The following RHOG variants were observed in gnomAD, a reference collection of about 807,000 sequenced individuals.
RHOG encodes ras homolog family member G, also known as rho-related GTP-binding protein RhoG.
Under a neutral mutation model 12.3 loss-of-function variants are expected in RHOG, and 1 was observed. The observed-to-expected ratio is 0.08, with a 90% CI of 0.03 to 0.39. The LOEUF (loss-of-function observed/expected upper bound fraction) is 0.39, where lower values mean the gene tolerates loss of function less well. Ranked by LOEUF, RHOG falls within the 10% of genes least tolerant of loss-of-function variation. The probability of loss-of-function intolerance (pLI) is 0.99; values close to 1 mark genes in which losing one functional copy is unlikely to be tolerated. For synonymous variants in RHOG, 129 were observed against 116.0 expected, an observed-to-expected ratio of 1.11 and a Z score of -0.72; for missense variants, 114 against 266.2, an observed-to-expected ratio of 0.43 and a Z score of 3.98.
At chr11:3,835,665 C>T (rs1317256063) in intron 1 of RHOG, among the ~76,000 whole-genome samples, 2 of 152,182 alleles carry the variant, frequency 1.3e-5, no homozygotes, top group African/African-American at 4.8e-5. Context: ...ACTGTCTTGT[C>T]TTCAACTGGA....
rs112483411 is a variant in RHOG, at chr11:3,839,602, A to AACACACACACACACACACACAC, written c.-69+1270_-69+1291dup. On this transcript the variant is annotated intron_variant, in intron 1 of 1. Transcript: ENST00000351018. ...ACACGCGCGTGCGAACACACACGCA[A>AACACACACACACACACACACAC]ACACACACACACACACACACACACA... Among the ~76,000 whole-genome samples, 355 of 141,692 alleles carry AACACACACACACACACACACAC rather than the reference A, an allele frequency of 2.5e-3. 1 individual carries two copies. The highest frequency in any genetic ancestry group is 8.7e-3 in the African/African-American group (331 of 38,196). The allele number at this position is 141,692 out of a possible 152,430, so 93.0% of individuals were successfully genotyped here.
intron 1 of RHOG, among the ~76,000 whole-genome samples, chr11:3,832,834 G>A (rs1427285508): frequency 6.6e-6 from 1 of 152,182 alleles, no homozygotes; most frequent in East Asian, 1.9e-4. Flanking sequence ...ACCAAACCAG[G>A]AGTGTGACCT....
intron 1 of RHOG, among the ~76,000 whole-genome samples, chr11:3,834,856 T>C (rs2090148306): frequency 6.6e-6 from 1 of 152,138 alleles, no homozygotes; most frequent in Non-Finnish European, 1.5e-5. Flanking sequence ...TTCTATAACC[T>C]GCCTCCCTAA....
intron 1 of RHOG, among the ~76,000 whole-genome samples, chr11:3,840,354 C>T (rs2135144213): frequency 6.6e-6 from 1 of 152,164 alleles, no homozygotes; most frequent in East Asian, 1.9e-4. Context: ...CCGGGTCCTC[C>T]TGAGTGCAGA....
intron 1 of RHOG, among the ~76,000 whole-genome samples, chr11:3,828,851 A>C (rs933366549): frequency 1.3e-5 from 2 of 151,586 alleles, no homozygotes; most frequent in Non-Finnish European, 2.9e-5. Flanking sequence ...CGATCTCCTG[A>C]CCTCGTGATC....
chr11:3,831,555 T>C (rs1033833781), intron 1 of RHOG, among the ~76,000 whole-genome samples: 1 of 152,072 alleles, frequency 6.6e-6, no homozygotes, highest in Admixed American at 6.6e-5. Flanking sequence ...AGACTGGAAG[T>C]TGAGAGACCT....
intron 1 of RHOG, among the ~76,000 whole-genome samples, chr11:3,837,415 A>G (rs1037468603): frequency 6.6e-6 from 1 of 151,014 alleles, no homozygotes; most frequent in African/African-American, 2.4e-5. Flanking sequence ...GGGCAGTACT[A>G]TCCCTGGACA....
At chr11:3,832,165 AGCCCTCATAT>A (rs2090133344) in intron 1 of RHOG, among the ~76,000 whole-genome samples, 1 of 152,246 alleles carries the variant, frequency 6.6e-6, no homozygotes, top group Admixed American at 6.5e-5. Context: ...TTGATAAAAA[AGCCCTCATAT>A]GGTATAAGCC....
intron 1 of RHOG, among the ~76,000 whole-genome samples, chr11:3,839,994 A>T (rs1457777455): frequency 1.3e-5 from 2 of 152,246 alleles, no homozygotes; most frequent in Non-Finnish European, 2.9e-5. Context: ...GAAGAGAGTG[A>T]TGGCGGATTT....
intron 1 of RHOG, among the ~76,000 whole-genome samples, chr11:3,837,589 T>C (rs1029677619): frequency 6.6e-6 from 1 of 152,132 alleles, no homozygotes; most frequent in African/African-American, 2.4e-5. Flanking sequence ...TCCTTAATGC[T>C]AAAATAGAGC....
chr11:3,827,568 A>T lies in RHOG; in HGVS notation c.571T>A (p.Leu191Met). The change falls in exon 2 of 2, where the codon TTG becomes ATG. Residue 191 changes from leucine (L) to methionine (M), a missense_variant. Physicochemically the swap from Leu to Met is conservative, Grantham distance 15. This residue lies in a region of RHOG where 61 missense variants were observed against 101.4 expected (regional missense o/e 0.60). Coordinates refer to ENST00000351018, the MANE Select transcript of RHOG (RefSeq NM_001665.4). This position sits in a 1 kb window ranked among gnomAD's most constrained non-coding sequence, Gnocchi z 7.3. ...PIKRGRSCIL[L>M] ...CTCCAAGCCAAGTGCCAGGGTCACA[A>T]GAGGATGCAGGACCGCCCACGCTTG... The T allele has an allele frequency of 6.2e-7, 1 of 1,602,624 alleles. No homozygotes were observed.
intron 1 of RHOG, chr11:3,837,817 T>G (rs1565085019): frequency 6.6e-6 from 1 of 152,376 alleles, no homozygotes; most frequent in East Asian, 1.9e-4. Context: ...TGAGCCTTTT[T>G]GCTTCCAAGT....
chr11:3,830,543 T>A (rs2135135221), intron 1 of RHOG: 1 of 151,620 alleles, frequency 6.6e-6, no homozygotes, highest in Middle Eastern at 3.4e-3. Flanking sequence ...TAGTCCCAGC[T>A]ACTCGGGAGG....
intron 1 of RHOG, among the ~76,000 whole-genome samples, chr11:3,833,183 G>A (rs1380146873): frequency 6.6e-6 from 1 of 151,998 alleles, no homozygotes; most frequent in Non-Finnish European, 1.5e-5. Flanking sequence ...GCTCACTGTA[G>A]TCTCAACCTC....
intron 1 of RHOG, among the ~76,000 whole-genome samples, chr11:3,832,173 T>G (rs2090133512): frequency 6.6e-6 from 1 of 152,194 alleles, no homozygotes; most frequent in Admixed American, 6.5e-5. Flanking sequence ...AAAGCCCTCA[T>G]ATGGTATAAG....
At chr11:3,829,650 G>T (rs1422399679) in intron 1 of RHOG, among the ~76,000 whole-genome samples, 1 of 152,164 alleles carries the variant, frequency 6.6e-6, no homozygotes, top group Non-Finnish European at 1.5e-5. Flanking sequence ...TTGGACCTGG[G>T]ATTTGGACTG....
chr11:3,827,159 C>T lies in RHOG; in HGVS notation c.*404G>A, dbSNP rs2090081851. The stretch of plus-strand genomic sequence containing the variant: ...GAAGGGAGAGAGCATCTTGGGGGCG[C>T]AATTCCAAGAGCAGCGAGGGCAGAG... On this transcript the variant is annotated 3_prime_UTR_variant, in exon 2 of 2. Transcript: ENST00000351018. This position sits in a 1 kb window ranked among gnomAD's most constrained non-coding sequence, Gnocchi z 7.3. The T allele has an allele frequency of 4.9e-6, 1 of 204,924 alleles. No homozygotes were observed. Among genetic ancestry groups the T allele is most frequent in the Non-Finnish European group, 1.0e-5 (1 of 99,952 alleles). The allele number at this position is 204,924 out of a possible 1,614,324, so 12.7% of individuals were successfully genotyped here. A position where few individuals can be genotyped will look rare whatever the true frequency, so the allele number is the denominator to read the frequency against.
chr11:3,827,650 A>G lies in RHOG; in HGVS notation c.489T>C (p.Asp163=). The change falls in exon 2 of 2, where the codon GAT becomes GAC. Residue 163 remains aspartate (D), a synonymous_variant. Coordinates refer to ENST00000351018, the MANE Select transcript of RHOG (RefSeq NM_001665.4). This position sits in a 1 kb window ranked among gnomAD's most constrained non-coding sequence, Gnocchi z 7.3. The part of the protein sequence containing the change: ...RYLECSALQQ[D]GVKEVFAEAV... ...CCTCGGCGAACACTTCCTTGACACC[A>G]TCCTGTTGCAGGGCTGAGCATTCGA... The G allele has an allele frequency of 6.2e-7, 1 of 1,613,904 alleles. No individual in the cohort carries two copies. Among genetic ancestry groups the G allele is most frequent in the Non-Finnish European group, 8.5e-7 (1 of 1,180,014 alleles).
chr11:3,828,912 G>A (rs533499718), intron 1 of RHOG, among the ~76,000 whole-genome samples: 120 of 149,804 alleles, frequency 8.0e-4, no homozygotes, highest in Non-Finnish European at 1.4e-3. Flanking sequence ...GAGCCACTGC[G>A]CCTGGCCAGT....
Sources: allele counts gnomAD v4.1 joint callset (sites outside exome capture counted in the v4.1 genomes callset), GRCh38; gene constraint gnomAD v4.1.1; regional missense constraint gnomAD v4.1.1; non-coding constraint Gnocchi (gnomAD v3.1); transcripts MANE v1.5; gene names NCBI Gene and HGNC (gene_info 2026-07-23, HGNC 2026-07-21).